The following CPVL variants were observed in gnomAD, a reference collection of about 807,000 sequenced individuals.
CPVL encodes probable serine carboxypeptidase CPVL.
Under a neutral mutation model 63.7 loss-of-function variants are expected in CPVL, and 51 were observed. That is an observed-to-expected ratio of 0.80 (90% CI 0.64 to 1.01). CPVL has a LOEUF of 1.01. CPVL is among the 50% of genes least tolerant of loss of function. The pLI is 0.00. For synonymous variants in CPVL, 195 were observed against 206.0 expected (o/e 0.95, Z 0.46); for missense variants, 530 against 573.1 (o/e 0.92, Z 0.77).
intron 2 of CPVL, among the ~76,000 whole-genome samples, chr7:29,115,615 T>G (rs1788703860): frequency 7.2e-6 from 1 of 138,074 alleles, no homozygotes; most frequent in Non-Finnish European, 1.5e-5. Flanking sequence ...CTTCTCAAAA[T>G]CAAACAGATA....
intron 5 of CPVL, among the ~76,000 whole-genome samples, chr7:29,175,622 C>A (rs1249021076): frequency 6.6e-6 from 1 of 152,102 alleles, no homozygotes; most frequent in African/African-American, 2.4e-5. Context: ...TTCCTCTTAT[C>A]TTTGTAGATT....
chr7:29,020,345 T>A (rs6959629), intron 12 of CPVL, among the ~76,000 whole-genome samples: 13,605 of 152,200 alleles, frequency 0.089, 1,824 homozygotes, highest in African/African-American at 0.29. Flanking sequence ...AACATTCAAA[T>A]ATGCCCTTAA....
chr7:29,010,103 A>G (rs1785658099), intron 12 of CPVL: 1 of 152,146 alleles, frequency 6.6e-6, no homozygotes, highest in South Asian at 2.1e-4. Flanking sequence ...ACAAAGTCAA[A>G]AGTGGGAAGT....
intron 6 of CPVL, among the ~76,000 whole-genome samples, chr7:29,088,932 G>A (rs771200502): frequency 6.6e-5 from 10 of 152,230 alleles, no homozygotes; most frequent in Non-Finnish European, 1.2e-4. Flanking sequence ...CCGAGATCAC[G>A]CCACTGCACT....
In CPVL at chr7:29,064,223, A is replaced by T; in HGVS notation, c.975T>A (p.Asp325Glu). 6.2e-7 allele frequency: 1 copy of T among 1,611,424 alleles called. No individual in the cohort carries two copies. The highest frequency in any genetic ancestry group is 8.5e-7 in the Non-Finnish European group (1 of 1,177,972). The change falls in exon 11 of 13, where the codon GAT becomes GAA. Residue 325 changes from aspartate (D) to glutamate (E), a missense_variant. Physicochemically the swap from Asp to Glu is conservative, Grantham distance 45. Coordinates refer to ENST00000265394, the MANE Select transcript of CPVL (RefSeq NM_031311.5). ...YNFLRCTEPE[D>E]QLYYVKFLSL... ...ACAAAAATTTCACATAGTAAAGCTG[A>T]TCCTCAGGTTCCTGGCAGAAGGGGC...
At chr7:29,177,440 G>A (rs564801566) in intron 5 of CPVL, among the ~76,000 whole-genome samples, 6 of 152,108 alleles carry the variant, frequency 3.9e-5, no homozygotes, top group African/African-American at 1.4e-4. Context: ...TTTTAGTAGA[G>A]ATGGGGTTTC....
At chr7:29,158,077 G>A (rs1794668168) in intron 5 of CPVL, among the ~76,000 whole-genome samples, 1 of 152,134 alleles carries the variant, frequency 6.6e-6, no homozygotes, top group African/African-American at 2.4e-5. Context: ...AAGACACAAT[G>A]AGCTCATCAC....
upstream of CPVL, chr7:29,147,103 A>G: frequency 8.8e-7 from 1 of 1,134,228 alleles, no homozygotes; most frequent in East Asian, 2.6e-5. Flanking sequence ...TAAGTAACCC[A>G]TCCAGGGTCA....
intron 5 of CPVL, among the ~76,000 whole-genome samples, chr7:29,163,267 T>A (rs996578641): frequency 6.6e-6 from 1 of 152,196 alleles, no homozygotes; most frequent in Non-Finnish European, 1.5e-5. Flanking sequence ...ATACTGGATT[T>A]TGAAGACTTA....
rs550296560 is a variant in CPVL at position 29,032,930 on chromosome 7, T to C, written c.1138-2171A>G. Among the ~76,000 whole-genome samples the C allele has an allele frequency of 1.3e-4, 20 of 152,348 alleles. No individual in the cohort carries two copies. The East Asian group carries it at 3.9e-3, about 29-fold the overall frequency. On this transcript the variant is annotated intron_variant, in intron 11 of 12. Transcript: ENST00000265394. ...TTGAACTGACATGGAATGAGGACCATCCCTGAGTTGTTAGTCAAGACTTAT... is the reference window on the plus strand; with the variant it reads ...TTGAACTGACATGGAATGAGGACCACCCCTGAGTTGTTAGTCAAGACTTAT...
At chr7:29,082,959 G>T (rs906532386) in intron 7 of CPVL, among the ~76,000 whole-genome samples, 13 of 152,260 alleles carry the variant, frequency 8.5e-5, no homozygotes, top group Non-Finnish European at 1.3e-4. Context: ...TTCCAGGGTT[G>T]TTGCCAAATA....
chr7:29,034,732 G>GT (rs1383746200), intron 11 of CPVL, among the ~76,000 whole-genome samples: 7 of 151,650 alleles, frequency 4.6e-5, no homozygotes, highest in African/African-American at 1.7e-4. Flanking sequence ...TAGAGACAGG[G>GT]TATCACCATG....
chr7:29,078,328 G>C (rs551452487), intron 7 of CPVL, among the ~76,000 whole-genome samples: 17 of 152,108 alleles, frequency 1.1e-4, no homozygotes, highest in Non-Finnish European at 2.2e-4. Flanking sequence ...CCTTAAAAAA[G>C]AAAAAGCCAT....
At chr7:29,025,402 C>A (rs1045983706) in intron 12 of CPVL, among the ~76,000 whole-genome samples, 1 of 152,202 alleles carries the variant, frequency 6.6e-6, no homozygotes, top group African/African-American at 2.4e-5. Context: ...AGGTCCCAGA[C>A]TCTGTTAAAT....
chr7:28,997,680 C>T (rs1048344665), intron 12 of CPVL, among the ~76,000 whole-genome samples: 1 of 150,316 alleles, frequency 6.7e-6, no homozygotes, highest in Non-Finnish European at 1.5e-5. Context: ...CTGATGCAAA[C>T]ACCGGTGTGG....
chr7:29,081,205 G>C (rs1442579687), intron 7 of CPVL: 5 of 152,212 alleles, frequency 3.3e-5, no homozygotes, highest in Admixed American at 3.3e-4. Context: ...CTCACTAATA[G>C]CTACTGGCTC....
chr7:29,186,262 A>G (rs1252191103), intron 2 of CPVL, among the ~76,000 whole-genome samples: 2 of 152,010 alleles, frequency 1.3e-5, no homozygotes, highest in East Asian at 3.9e-4. Context: ...GCAAAAAAAA[A>G]ATGACAGTAT....
At chr7:29,047,245 T>G (rs527765252) in intron 11 of CPVL, among the ~76,000 whole-genome samples, 2 of 152,158 alleles carry the variant, frequency 1.3e-5, no homozygotes, top group African/African-American at 4.8e-5. Context: ...TTAGAAACCA[T>G]GCAGTTTCAG....
At position 29,102,498 on chromosome 7, in the gene CPVL, A is replaced by C. The variant is rs985287886; in HGVS notation, c.289-6281T>G. 1.1e-4 allele frequency among the ~76,000 whole-genome samples: 17 copies of C among 152,324 alleles called. No homozygotes were observed. The East Asian group carries it at 1.5e-3, about 14-fold the overall frequency. On this transcript the variant is annotated intron_variant, in intron 3 of 12. Coordinates refer to ENST00000265394, the MANE Select transcript of CPVL (RefSeq NM_031311.5). Reference sequence around the variant, plus strand: ...CCCTCATACTACATATTTAAGAAGAAAATAAAACCTCTACTAATGACTTAA... The same window carrying C: ...CCCTCATACTACATATTTAAGAAGACAATAAAACCTCTACTAATGACTTAA...
Sources: allele counts gnomAD v4.1 joint callset (sites outside exome capture counted in the v4.1 genomes callset), GRCh38; gene constraint gnomAD v4.1.1; transcripts MANE v1.5; gene names NCBI Gene and HGNC (gene_info 2026-07-23, HGNC 2026-07-21).